PRKN: variants seen among roughly 807,000 people sequenced by gnomAD.
The protein encoded by PRKN is E3 ubiquitin-protein ligase parkin.
A neutral mutation model predicts 59.5 loss-of-function variants in PRKN; 56 were observed. That is an observed-to-expected ratio of 0.94 (90% CI 0.76 to 1.18). PRKN has a LOEUF of 1.18. Ranked by LOEUF, PRKN falls within the 50% of genes most tolerant of loss-of-function variation. The probability of loss-of-function intolerance (pLI) is 0.00; values close to 1 mark genes in which losing one functional copy is unlikely to be tolerated. For missense variants in PRKN, 657 were observed against 596.4 expected, an observed-to-expected ratio of 1.10 and a Z score of -1.06; for synonymous variants, 250 against 222.1, an observed-to-expected ratio of 1.13 and a Z score of -1.12.
At chr6:161,839,706 T>G (rs1204941644) in intron 6 of PRKN, among the ~76,000 whole-genome samples, 1 of 152,156 alleles carries the variant, frequency 6.6e-6, no homozygotes, top group African/African-American at 2.4e-5. Context: ...TAAAGCCTTC[T>G]GGGATTCAGA....
chr6:161,760,952 A>G (rs1789174191), intron 7 of PRKN, among the ~76,000 whole-genome samples: 1 of 152,212 alleles, frequency 6.6e-6, no homozygotes, highest in Non-Finnish European at 1.5e-5. Flanking sequence ...TTCGCTGGCC[A>G]CAATCAATAG....
intron 1 of PRKN, among the ~76,000 whole-genome samples, chr6:162,580,056 G>GGGTTGGGC (rs1445201496): frequency 6.6e-6 from 1 of 152,202 alleles, no homozygotes; most frequent in Admixed American, 6.5e-5. Flanking sequence ...TCCCATAGAT[G>GGGTTGGGC]TGAAGTGGGC....
intron 6 of PRKN, among the ~76,000 whole-genome samples, chr6:161,834,405 A>G (rs1792650853): frequency 6.6e-6 from 1 of 152,150 alleles, no homozygotes; most frequent in African/African-American, 2.4e-5. Flanking sequence ...GAAAAAGACT[A>G]GAGTACACAG....
At chr6:161,664,224 A>G (rs541964453) in intron 7 of PRKN, among the ~76,000 whole-genome samples, 3 of 152,284 alleles carry the variant, frequency 2.0e-5, no homozygotes, top group African/African-American at 7.2e-5. Context: ...ACAGACGAGC[A>G]CTTTTCAGGG....
intron 4 of PRKN, among the ~76,000 whole-genome samples, chr6:162,160,008 C>G (rs1424426364): frequency 6.6e-6 from 1 of 152,112 alleles, no homozygotes; most frequent in Non-Finnish European, 1.5e-5. Context: ...TTGAATGTAA[C>G]ACCAAAAGAA....
At chr6:162,700,699 G>A (rs1778122426) in intron 1 of PRKN, among the ~76,000 whole-genome samples, 1 of 151,946 alleles carries the variant, frequency 6.6e-6, no homozygotes. Context: ...ATAAGCTTAT[G>A]AATCTCTACT....
intron 1 of PRKN, among the ~76,000 whole-genome samples, chr6:162,565,777 GAC>G (rs775603728): frequency 1.3e-5 from 2 of 151,776 alleles, no homozygotes; most frequent in Non-Finnish European, 2.9e-5. Context: ...GCAACAAAAA[GAC>G]ACAGACTGGG....
At position 161,996,904 on chromosome 6, in the gene PRKN, C is replaced by T. The variant is rs60209932; in HGVS notation, c.619-23487G>A. On this transcript the variant is annotated intron_variant, in intron 5 of 11. Transcript: ENST00000366898. Reference sequence around the variant, plus strand: ...ATCATCATGCTTCAAAAGGAAATCACGCTGAAAACAACCCAACCACTTACA... The same window carrying T: ...ATCATCATGCTTCAAAAGGAAATCATGCTGAAAACAACCCAACCACTTACA... Among the ~76,000 whole-genome samples, 850 of 151,978 alleles carry T rather than the reference C, an allele frequency of 5.6e-3. 8 individuals are homozygous for T. The highest frequency in any genetic ancestry group is 0.018 in the African/African-American group (730 of 41,386).
At chr6:161,721,636 T>C (rs934440021) in intron 7 of PRKN, among the ~76,000 whole-genome samples, 26 of 152,244 alleles carry the variant, frequency 1.7e-4, no homozygotes, top group Non-Finnish European at 2.1e-4. Context: ...TGGACGCACC[T>C]GTTCAGGGCC....
chr6:162,415,769 A>G (rs561618724), intron 2 of PRKN, among the ~76,000 whole-genome samples: 12 of 152,242 alleles, frequency 7.9e-5, no homozygotes, highest in Admixed American at 2.0e-4. Flanking sequence ...GTGAGCCCAA[A>G]TTGCGCCACT....
Position 161,359,552 on chromosome 6 carries a change from C to T in PRKN, c.1285+536G>A, listed in dbSNP as rs144375655. On this transcript the variant is annotated intron_variant, in intron 11 of 11. Coordinates refer to ENST00000366898, the MANE Select transcript of PRKN (RefSeq NM_004562.3). The surrounding 1 kb of genome is among the most constrained non-coding windows in gnomAD (Gnocchi z 5.4). ...GCTCTCGGACCACTGGTTGTGATGG[C>T]TTTGCCCTGAGTGGCATGTCCAGGA... 2.6e-5 allele frequency among the ~76,000 whole-genome samples: 4 copies of T among 152,358 alleles called. No individual in the cohort carries two copies. In the East Asian group the frequency reaches 7.7e-4, roughly 29 times the overall value.
intron 2 of PRKN, among the ~76,000 whole-genome samples, chr6:162,268,188 G>T (rs528731708): frequency 6.6e-6 from 1 of 152,242 alleles, no homozygotes; most frequent in South Asian, 2.1e-4. Context: ...ATCACCATCT[G>T]CTATGTCTCA....
intron 5 of PRKN, among the ~76,000 whole-genome samples, chr6:162,011,242 A>T (rs1276986829): frequency 9.1e-4 from 80 of 87,842 alleles, no homozygotes; most frequent in Non-Finnish European, 1.2e-3. Context: ...TATAATTTAT[A>T]ATATATATAA....
At chr6:161,591,538 G>T (rs966808278) in intron 7 of PRKN, among the ~76,000 whole-genome samples, 1 of 152,142 alleles carries the variant, frequency 6.6e-6, no homozygotes, top group African/African-American at 2.4e-5. Flanking sequence ...GCTTTGCCTT[G>T]TTTTTTGTTT....
chr6:162,126,587 T>C (rs1781133157), intron 4 of PRKN, among the ~76,000 whole-genome samples: 1 of 152,204 alleles, frequency 6.6e-6, no homozygotes, highest in Non-Finnish European at 1.5e-5. Context: ...GCAAGGTTTC[T>C]CATTGTGAGG....
At chr6:162,519,363 A>G (rs1360822874) in intron 1 of PRKN, among the ~76,000 whole-genome samples, 1 of 152,094 alleles carries the variant, frequency 6.6e-6, no homozygotes, top group African/African-American at 2.4e-5. Flanking sequence ...TGTCAAATCA[A>G]TTGAGCATTC....
At chr6:162,646,432 T>C (rs1339801606) in intron 1 of PRKN, among the ~76,000 whole-genome samples, 13 of 151,912 alleles carry the variant, frequency 8.6e-5, no homozygotes, top group Non-Finnish European at 1.9e-4. Context: ...GTCACCATGC[T>C]TGGCTAATTT....
At chr6:162,634,821 A>G (rs1437113485) in intron 1 of PRKN, among the ~76,000 whole-genome samples, 1 of 151,984 alleles carries the variant, frequency 6.6e-6, no homozygotes, top group African/African-American at 2.4e-5. Context: ...ACGGGGTTTC[A>G]CCATGTTGGC....
chr6:161,877,491 G>A (rs577435418), intron 6 of PRKN, among the ~76,000 whole-genome samples: 7 of 147,206 alleles, frequency 4.8e-5, no homozygotes, highest in Non-Finnish European at 7.4e-5. Context: ...ACAGAGCCTC[G>A]TTGTGTCACC....
Sources: allele counts gnomAD v4.1 joint callset (sites outside exome capture counted in the v4.1 genomes callset), GRCh38; gene constraint gnomAD v4.1.1; non-coding constraint Gnocchi (gnomAD v3.1); transcripts MANE v1.5; gene names NCBI Gene and HGNC (gene_info 2026-07-23, HGNC 2026-07-21).